Variants in DLG2 observed in about 807,000 individuals in gnomAD.
DLG2 encodes disks large homolog 2.
DLG2 carries 45 observed loss-of-function variants against 132.5 expected under a neutral mutation model. That is an observed-to-expected ratio of 0.34 (90% CI 0.27 to 0.44). The LOEUF (loss-of-function observed/expected upper bound fraction) is 0.44. Ranked by LOEUF, DLG2 falls within the 20% of genes least tolerant of loss-of-function variation. DLG2 has a pLI of 1.00. For missense variants in DLG2, 1,045 were observed against 1,196.9 expected, an observed-to-expected ratio of 0.87 and a Z score of 1.87; for synonymous variants, 424 against 419.6, an observed-to-expected ratio of 1.01 and a Z score of -0.13.
At chr11:85,001,257 CTTATTA>C (rs146938936) in intron 6 of DLG2, among the ~76,000 whole-genome samples, 2 of 151,802 alleles carry the variant, frequency 1.3e-5, no homozygotes, top group Admixed American at 6.6e-5. Context: ...CCATGCCCAG[CTTATTA>C]TTATTATTAT....
At chr11:85,583,132 A>ATG (rs2078718401) in intron 3 of DLG2, among the ~76,000 whole-genome samples, 1 of 20,002 alleles carries the variant, frequency 5.0e-5, no homozygotes, top group South Asian at 1.8e-3. Context: ...GTGTGTGTGT[A>ATG]TATATATATA....
At chr11:85,582,782 A>G (rs2078638114) in intron 3 of DLG2, among the ~76,000 whole-genome samples, 1 of 148,240 alleles carries the variant, frequency 6.7e-6, no homozygotes, top group South Asian at 2.2e-4. Context: ...TCAAAACTCA[A>G]GGCTTTGCTG....
intron 21 of DLG2, among the ~76,000 whole-genome samples, chr11:83,515,625 A>C (rs1319718545): frequency 1.3e-5 from 2 of 152,058 alleles, no homozygotes; most frequent in Non-Finnish European, 2.9e-5. Context: ...TAGGGTGTCA[A>C]TTTTAGATCT....
chr11:85,372,369 A>G (rs1177297052), intron 3 of DLG2, among the ~76,000 whole-genome samples: 1 of 152,184 alleles, frequency 6.6e-6, no homozygotes, highest in African/African-American at 2.4e-5. Flanking sequence ...TCTCCCTTGG[A>G]GGAGAACTCA....
At chr11:84,602,433 A>G (rs1593448532) in intron 6 of DLG2, among the ~76,000 whole-genome samples, 1 of 151,990 alleles carries the variant, frequency 6.6e-6, no homozygotes, top group Admixed American at 6.6e-5. Context: ...TTGTGATATT[A>G]AACAATTCAC....
chr11:84,982,853 G>A lies in DLG2; in HGVS notation c.357+128808C>T, dbSNP rs1437475016. Among the ~76,000 whole-genome samples the A allele has an allele frequency of 2.0e-5, 3 of 151,898 alleles. No homozygotes were observed. In the East Asian group the frequency reaches 5.8e-4, roughly 29 times the overall value. Reference sequence around the variant, plus strand: ...CAAACACATGATCAGATCAATTTATGCAGAAAAAAAGTAACAAAATTTTAC... The same window carrying A: ...CAAACACATGATCAGATCAATTTATACAGAAAAAAAGTAACAAAATTTTAC... On this transcript the variant is annotated intron_variant, in intron 6 of 27. Transcript: ENST00000376104.
At chr11:84,772,520 C>T (rs564040070) in intron 6 of DLG2, among the ~76,000 whole-genome samples, 2 of 152,132 alleles carry the variant, frequency 1.3e-5, no homozygotes, top group Non-Finnish European at 2.9e-5. Context: ...ATGGAACATA[C>T]TCCAAGATTG....
chr11:84,673,384 G>C (rs2099708023), intron 6 of DLG2, among the ~76,000 whole-genome samples: 1 of 151,030 alleles, frequency 6.6e-6, no homozygotes, highest in South Asian at 2.1e-4. Context: ...ATAGACTTTG[G>C]ATACAGACCT....
intron 3 of DLG2, among the ~76,000 whole-genome samples, chr11:85,584,700 T>C (rs2078850962): frequency 6.6e-6 from 1 of 152,138 alleles, no homozygotes; most frequent in Admixed American, 6.6e-5. Context: ...ATTCTTGCAG[T>C]AGTAAGGTGG....
intron 3 of DLG2, among the ~76,000 whole-genome samples, chr11:85,427,207 A>T (rs2090822779): frequency 6.6e-6 from 1 of 152,172 alleles, no homozygotes; most frequent in Non-Finnish European, 1.5e-5. Flanking sequence ...ACTCTACAGG[A>T]TATTATCCAG....
intron 6 of DLG2, among the ~76,000 whole-genome samples, chr11:84,712,963 A>G (rs575344727): frequency 3.9e-5 from 6 of 152,120 alleles, no homozygotes; most frequent in Admixed American, 6.5e-5. Flanking sequence ...TATTCTATCC[A>G]TGTGATTTAA....
intron 16 of DLG2, among the ~76,000 whole-genome samples, chr11:83,835,997 G>A (rs997582645): frequency 1.3e-5 from 2 of 152,162 alleles, no homozygotes; most frequent in African/African-American, 4.8e-5. Context: ...AGTTGTGGAG[G>A]CTGATAAGGC....
At chr11:83,748,424 CTG>C in intron 18 of DLG2, among the ~76,000 whole-genome samples, 1 of 152,324 alleles carries the variant, frequency 6.6e-6, no homozygotes, top group East Asian at 1.9e-4. Flanking sequence ...TTCCCTTTCC[CTG>C]ACTCCACTCT....
intron 7 of DLG2, among the ~76,000 whole-genome samples, chr11:84,429,532 G>A (rs2154472296): frequency 6.6e-6 from 1 of 152,208 alleles, no homozygotes; most frequent in Non-Finnish European, 1.5e-5. Context: ...ATAGATGCTA[G>A]GTGTCCAGAC....
At chr11:83,733,383 C>T (rs558867916) in intron 18 of DLG2, among the ~76,000 whole-genome samples, 2 of 152,054 alleles carry the variant, frequency 1.3e-5, no homozygotes, top group South Asian at 2.1e-4. Context: ...TACTGCATAT[C>T]GTATCAGGCA....
At chr11:83,652,743 G>A (rs2070974060) in intron 18 of DLG2, among the ~76,000 whole-genome samples, 1 of 152,098 alleles carries the variant, frequency 6.6e-6, no homozygotes, top group South Asian at 2.1e-4. Context: ...ACACCTGAGG[G>A]TAGCCCTTCT....
intron 7 of DLG2, among the ~76,000 whole-genome samples, chr11:84,418,076 C>A (rs1467684494): frequency 6.6e-6 from 1 of 152,182 alleles, no homozygotes; most frequent in East Asian, 1.9e-4. Flanking sequence ...TGAGTTTGCT[C>A]TTTGACCATA....
At chr11:83,563,364 T>C (rs558743662) in intron 19 of DLG2, among the ~76,000 whole-genome samples, 1 of 152,302 alleles carries the variant, frequency 6.6e-6, no homozygotes, top group Non-Finnish European at 1.5e-5. Flanking sequence ...GTGAAGGGTC[T>C]TGTAAATAAA....
At chr11:84,536,344 T>C (rs2099355543) in intron 6 of DLG2, among the ~76,000 whole-genome samples, 1 of 152,064 alleles carries the variant, frequency 6.6e-6, no homozygotes, top group African/African-American at 2.4e-5. Flanking sequence ...CTTTCAGTTA[T>C]CATCAGCCTC....
Sources: gnomAD v4.1 joint callset for allele counts (sites outside exome capture counted in the v4.1 genomes callset) on GRCh38, gnomAD v4.1.1 for gene constraint, MANE v1.5 for transcripts, NCBI Gene and HGNC (gene_info 2026-07-23, HGNC 2026-07-21) for gene names.